The following LIMD1 variants were observed in gnomAD, a reference collection of about 807,000 sequenced individuals.
The protein encoded by LIMD1 is LIM domain containing 1, also known as LIM domain-containing protein 1.
A neutral mutation model predicts 58.4 loss-of-function variants in LIMD1; 23 were observed. That is an observed-to-expected ratio of 0.39 (90% CI 0.28 to 0.56). The LOEUF (loss-of-function observed/expected upper bound fraction) is 0.56, where lower values mean the gene tolerates loss of function less well. LIMD1 is among the 20% of genes least tolerant of loss of function. The pLI is 0.57. For synonymous variants in LIMD1, 334 were observed against 345.5 expected (o/e 0.97, Z 0.37); for missense variants, 838 against 855.5 (o/e 0.98, Z 0.25).
In LIMD1 at chr3:45,682,147, C is replaced by T. The variant is rs1403018804; in HGVS notation, c.*5088C>T. On this transcript the variant is annotated 3_prime_UTR_variant, in exon 8 of 8. Transcript: ENST00000273317. ...AGTGAGGATACTCATAGTCATAGCA[C>T]CTTACACCAGAATAAAAGTTTTTTT... 6.6e-6 allele frequency: 1 copy of T among 152,188 alleles called. No homozygotes were observed. Among genetic ancestry groups the T allele is most frequent in the East Asian group, 1.9e-4 (1 of 5,204 alleles). 9.4% of individuals were successfully genotyped at this position (152,188 alleles called of 1,614,324 possible).
In LIMD1 at chr3:45,596,135, T is replaced by C; in HGVS notation, c.1256T>C (p.Leu419Pro). The change falls in exon 1 of 8, where the codon CTG (leucine) becomes CCG (proline). Residue 419 changes from leucine to proline, a missense_variant. Leu to Pro is a moderately conservative substitution (Grantham distance 98, BLOSUM62 -3). This residue lies in a region of LIMD1 where 659 missense variants were observed against 639.8 expected (regional missense o/e 1.03). Transcript: ENST00000273317. ...SSDGSLGSVLLDSPSSPRVRL... is the reference protein window; with the variant it reads ...SSDGSLGSVLPDSPSSPRVRL... ...GATGGTAGCCTGGGATCTGTGCTCC[T>C]GGACAGCCCCAGCTCCCCTAGGGTA... 6.2e-7 allele frequency: 1 copy of C among 1,614,186 alleles called. No individual in the cohort carries two copies. The highest frequency in any genetic ancestry group is 8.5e-7 in the Non-Finnish European group (1 of 1,180,030).
At chr3:45,599,784 G>A (rs1701393589) in intron 1 of LIMD1, among the ~76,000 whole-genome samples, 2 of 152,252 alleles carry the variant, frequency 1.3e-5, no homozygotes, top group African/African-American at 4.8e-5. Flanking sequence ...TGTCCTTTAG[G>A]TGTGGCTTGG....
At chr3:45,655,391 C>T (rs905395128) in intron 2 of LIMD1, among the ~76,000 whole-genome samples, 2 of 152,144 alleles carry the variant, frequency 1.3e-5, no homozygotes, top group African/African-American at 4.8e-5. Flanking sequence ...GATTCTGAAA[C>T]TAGAATTATA....
chr3:45,628,512 G>A (rs892804284), intron 1 of LIMD1, among the ~76,000 whole-genome samples: 5 of 152,234 alleles, frequency 3.3e-5, no homozygotes, highest in Non-Finnish European at 7.3e-5. Context: ...TTCATGCCAA[G>A]TGTTGGCAAG....
At chr3:45,600,028 G>A (rs1296852788) in intron 1 of LIMD1, among the ~76,000 whole-genome samples, 1 of 152,200 alleles carries the variant, frequency 6.6e-6, no homozygotes, top group Non-Finnish European at 1.5e-5. Flanking sequence ...GCCTGAGGAG[G>A]CTGGACAGCT....
Position 45,594,809 on chromosome 3 carries a change from A to ACACACACACACACACACAG in LIMD1, c.-53_-52insGCACACACACACACACACA. The ACACACACACACACACACAG allele has an allele frequency of 1.4e-6, 1 of 723,100 alleles. No individual in the cohort carries two copies. The allele number at this position is 723,100 out of a possible 1,614,324, so 44.8% of individuals were successfully genotyped here. Reference sequence around the variant, plus strand: ...CACACACACACACACACACACACACACACACACACACACACACACACACAC... The same window carrying ACACACACACACACACACAG: ...CACACACACACACACACACACACACACACACACACACACACACAGCACACACACACACACACACACACAC... On this transcript the variant is annotated 5_prime_UTR_variant, in exon 1 of 8. Coordinates refer to ENST00000273317, the MANE Select transcript of LIMD1 (RefSeq NM_014240.3).
chr3:45,596,299 G>A lies in LIMD1; in HGVS notation c.1408+12G>A. On this transcript the variant is annotated intron_variant, in intron 1 of 7. Coordinates refer to ENST00000273317, the MANE Select transcript of LIMD1 (RefSeq NM_014240.3). ...GGCTGATTACTTTGGTGAGTGAGAG[G>A]CTGGTGGAGTTGCCTATGGTGGGGC... 6.3e-7 allele frequency: 1 copy of A among 1,577,368 alleles called. No individual in the cohort carries two copies. Among genetic ancestry groups the A allele is most frequent in the Non-Finnish European group, 8.6e-7 (1 of 1,160,396 alleles).
At chr3:45,655,766 T>G (rs1427436567) in intron 2 of LIMD1, among the ~76,000 whole-genome samples, 1 of 152,228 alleles carries the variant, frequency 6.6e-6, no homozygotes, top group Non-Finnish European at 1.5e-5. Context: ...CTGTCCTTAT[T>G]AGCTCTGCCA....
At chr3:45,623,763 G>A (rs901183523) in intron 1 of LIMD1, among the ~76,000 whole-genome samples, 2 of 152,124 alleles carry the variant, frequency 1.3e-5, no homozygotes, top group Non-Finnish European at 2.9e-5. Flanking sequence ...TAGGATGCAG[G>A]GTGTTGCGTT....
rs1697688814 is a variant in LIMD1 at position 45,677,706 on chromosome 3, A to G, written c.*647A>G. 1 of 152,278 alleles carries G rather than the reference A, an allele frequency of 6.6e-6. No homozygotes were observed. The highest frequency in any genetic ancestry group is 1.5e-5 in the Non-Finnish European group (1 of 68,100). The allele number at this position is 152,278 out of a possible 1,614,324, so 9.4% of individuals were successfully genotyped here. Reference sequence around the variant, plus strand: ...GGCAGGGTTTCCTCCTTAGACACTGACAGCATTCTCTGTACCCCTTCAAAT... The same window carrying G: ...GGCAGGGTTTCCTCCTTAGACACTGGCAGCATTCTCTGTACCCCTTCAAAT... On this transcript the variant is annotated 3_prime_UTR_variant, in exon 8 of 8. Transcript: ENST00000273317.
At chr3:45,609,018 A>G (rs1298458301) in intron 1 of LIMD1, among the ~76,000 whole-genome samples, 1 of 152,148 alleles carries the variant, frequency 6.6e-6, no homozygotes, top group Non-Finnish European at 1.5e-5. Flanking sequence ...AAAAAAGGGA[A>G]ATATTTTGGT....
At position 45,673,466 on chromosome 3, in the gene LIMD1, C is replaced by T. The variant is rs139611464; in HGVS notation, c.1785C>T (p.Pro595=). 5.6e-6 allele frequency: 9 copies of T among 1,613,902 alleles called. No homozygotes were observed. Among genetic ancestry groups the T allele is most frequent in the Admixed American group, 1.7e-5 (1 of 60,006 alleles). ...TTTCTCCCCACAGGGTGCTGGCCCC[C>T]AAGTGTGCAGCCTGTGGGCTTCCCA... is the stretch of plus-strand genomic sequence containing the variant. ...CVRDYHKVLA[P]KCAACGLPIL... The change falls in exon 6 of 8, where the codon CCC becomes CCT. Residue 595 remains proline, a synonymous_variant. Transcript: ENST00000273317.
At chr3:45,597,409 A>G (rs1701368853) in intron 1 of LIMD1, among the ~76,000 whole-genome samples, 1 of 152,184 alleles carries the variant, frequency 6.6e-6, no homozygotes, top group Non-Finnish European at 1.5e-5. Flanking sequence ...ACAAACTATG[A>G]TGGAAAATGT....
At chr3:45,631,641 C>G (rs7612399) in intron 1 of LIMD1, among the ~76,000 whole-genome samples, 151,106 of 152,218 alleles carry the variant, frequency 0.99, 75,001 homozygotes, top group East Asian at 1. Context: ...AGGGTCACAG[C>G]CCTCAGAGAG....
chr3:45,596,046 C>G lies in LIMD1; in HGVS notation c.1167C>G (p.Val389=), dbSNP rs1559511415. The G allele has an allele frequency of 1.2e-6, 2 of 1,614,238 alleles. No homozygotes were observed. Among genetic ancestry groups the G allele is most frequent in the South Asian group, 1.1e-5 (1 of 91,086 alleles). The stretch of plus-strand genomic sequence containing the variant: ...CCAAGCTCAGCCCCACCAGTCTTGT[C>G]CATCCAGTGATGTCCACCCTGCCTG... The part of the protein sequence containing the change: ...TGPKLSPTSL[V]HPVMSTLPEL... The change falls in exon 1 of 8, where the codon GTC becomes GTG. Residue 389 remains valine (V), a synonymous_variant. Transcript: ENST00000273317.
intron 3 of LIMD1, 69 bp from the exon 4 acceptor site, chr3:45,668,225 G>A (rs983308196): frequency 8.3e-7 from 1 of 1,198,148 alleles, no homozygotes; most frequent in Admixed American, 1.8e-5. Context: ...TAATCCTCTT[G>A]GCTGTTGGGG....
chr3:45,613,849 T>G (rs1017991277), intron 1 of LIMD1, among the ~76,000 whole-genome samples: 1 of 152,168 alleles, frequency 6.6e-6, no homozygotes, highest in African/African-American at 2.4e-5. Flanking sequence ...GGTAAATACC[T>G]AGGAGTAGAA....
intron 7 of LIMD1, 99 bp from the exon 8 acceptor site, chr3:45,676,823 C>G: frequency 8.4e-7 from 1 of 1,185,310 alleles, no homozygotes; most frequent in Non-Finnish European, 1.2e-6. Flanking sequence ...TATACAGAAA[C>G]ACACAGCACC....
chr3:45,618,325 A>G (rs1365607668), intron 1 of LIMD1, among the ~76,000 whole-genome samples: 1 of 152,162 alleles, frequency 6.6e-6, no homozygotes, highest in Non-Finnish European at 1.5e-5. Context: ...TGAGCTTGGC[A>G]CCTGCTCAGG....
Sources: gnomAD v4.1 joint callset for allele counts (sites outside exome capture counted in the v4.1 genomes callset) on GRCh38, gnomAD v4.1.1 for gene constraint, gnomAD v4.1.1 regional missense constraint, MANE v1.5 for transcripts, NCBI Gene and HGNC (gene_info 2026-07-23, HGNC 2026-07-21) for gene names.